Variants in VRK2 observed in about 807,000 individuals in gnomAD.
VRK2 encodes serine/threonine-protein kinase VRK2.
VRK2 carries 60 observed loss-of-function variants against 57.6 expected under a neutral mutation model. The observed-to-expected ratio is 1.04, with a 90% CI of 0.85 to 1.29. The LOEUF (loss-of-function observed/expected upper bound fraction) is 1.29, where lower values mean the gene tolerates loss of function less well. VRK2 is among the 50% of genes most tolerant of loss of function. The pLI is 0.00. For missense variants in VRK2, 705 were observed against 588.1 expected, an observed-to-expected ratio of 1.20 and a Z score of -2.06; for synonymous variants, 231 against 199.2, an observed-to-expected ratio of 1.16 and a Z score of -1.35.
Position 57,948,443 on chromosome 2 carries a change from A to G in VRK2, c.-439+40604A>G, listed in dbSNP as rs79530050. On this transcript the variant is annotated intron_variant, in intron 1 of 15. Transcript: ENST00000417641. ...CTTTAAAGCTAAACAGTGGCCTTCA[A>G]GAAAATTTTTAGCTGTATCCAGTTC... Among the ~76,000 whole-genome samples, 387 of 152,282 alleles carry G rather than the reference A, an allele frequency of 2.5e-3. 8 individuals are homozygous for G. In the East Asian group the frequency reaches 0.059, roughly 23 times the overall value.
chr2:58,114,584 C>T (rs1298694544), intron 7 of VRK2, among the ~76,000 whole-genome samples: 1 of 152,124 alleles, frequency 6.6e-6, no homozygotes, highest in Non-Finnish European at 1.5e-5. Flanking sequence ...AAGTATTGTC[C>T]AGTCCTTTTT....
chr2:57,990,709 C>A (rs1672737239), intron 1 of VRK2, among the ~76,000 whole-genome samples: 1 of 152,124 alleles, frequency 6.6e-6, no homozygotes, highest in African/African-American at 2.4e-5. Context: ...TTGCTGAGCA[C>A]TATTGTGAAA....
chr2:58,013,971 T>A (rs1030412453), intron 1 of VRK2, among the ~76,000 whole-genome samples: 1 of 152,170 alleles, frequency 6.6e-6, no homozygotes. Flanking sequence ...TACTCAAATT[T>A]GCTTATGCTA....
chr2:57,938,840 C>T (rs1182343982), intron 1 of VRK2, among the ~76,000 whole-genome samples: 17 of 150,302 alleles, frequency 1.1e-4, no homozygotes, highest in Admixed American at 1.1e-3. Context: ...CCTTCTCTTG[C>T]TTTCAAAGTT....
intron 1 of VRK2, among the ~76,000 whole-genome samples, chr2:57,916,304 G>A (rs1273909225): frequency 1.3e-5 from 2 of 151,274 alleles, no homozygotes; most frequent in East Asian, 4.0e-4. Context: ...TACTCAGGAA[G>A]TTGAGGCAGG....
At chr2:57,914,414 A>C (rs1670084845) in intron 1 of VRK2, among the ~76,000 whole-genome samples, 3 of 152,036 alleles carry the variant, frequency 2.0e-5, no homozygotes, top group Admixed American at 2.0e-4. Flanking sequence ...ATCCCGATTC[A>C]TTTTTTTAAC....
At chr2:58,099,648 G>A (rs1285535582) in intron 7 of VRK2, among the ~76,000 whole-genome samples, 1 of 151,940 alleles carries the variant, frequency 6.6e-6, no homozygotes, top group Non-Finnish European at 1.5e-5. Context: ...AAAGAGGATG[G>A]CCCTCACAGG....
At chr2:57,938,994 C>A (rs1232227547) in intron 1 of VRK2, among the ~76,000 whole-genome samples, 2 of 152,094 alleles carry the variant, frequency 1.3e-5, no homozygotes, top group Admixed American at 6.5e-5. Context: ...AGAGTATGAG[C>A]AACACAGGCA....
At chr2:57,963,322 A>G (rs1351916395) in intron 1 of VRK2, among the ~76,000 whole-genome samples, 1 of 152,198 alleles carries the variant, frequency 6.6e-6, no homozygotes, top group African/African-American at 2.4e-5. Flanking sequence ...TGTGCTATTC[A>G]TTCCCTCTCA....
At chr2:58,120,678 C>G (rs1015421920) in intron 7 of VRK2, among the ~76,000 whole-genome samples, 3 of 152,164 alleles carry the variant, frequency 2.0e-5, no homozygotes, top group Non-Finnish European at 2.9e-5. Context: ...AGAGCATTAA[C>G]TTAAGAATAC....
intron 1 of VRK2, among the ~76,000 whole-genome samples, chr2:58,021,153 G>C (rs72810306): frequency 6.6e-6 from 1 of 151,944 alleles, no homozygotes; most frequent in Admixed American, 6.5e-5. Flanking sequence ...CTTTTTGTGG[G>C]AAAAAATCAC....
intron 7 of VRK2, among the ~76,000 whole-genome samples, chr2:58,112,943 C>G (rs1306036163): frequency 2.6e-5 from 4 of 152,154 alleles, no homozygotes; most frequent in Non-Finnish European, 5.9e-5. Context: ...GTGGTTATGA[C>G]TTTTAGTCTT....
intron 1 of VRK2, among the ~76,000 whole-genome samples, chr2:57,934,509 T>G (rs931055188): frequency 6.6e-6 from 1 of 152,216 alleles, no homozygotes; most frequent in Non-Finnish European, 1.5e-5. Flanking sequence ...CTCTTTATGT[T>G]TGATTTTAGA....
chr2:58,144,666 G>A (rs1268257762), intron 11 of VRK2, among the ~76,000 whole-genome samples: 3 of 151,926 alleles, frequency 2.0e-5, no homozygotes, highest in African/African-American at 7.2e-5. Flanking sequence ...ATGGTATCAG[G>A]TACATTTATT....
upstream of VRK2, among the ~76,000 whole-genome samples, chr2:58,042,719 G>A (rs1196291902): frequency 6.6e-6 from 1 of 152,190 alleles, no homozygotes; most frequent in African/African-American, 2.4e-5. Context: ...ATACAGCCAA[G>A]AAAGTCCTTT....
At chr2:57,948,340 C>T (rs775160631) in intron 1 of VRK2, among the ~76,000 whole-genome samples, 20 of 152,132 alleles carry the variant, frequency 1.3e-4, no homozygotes, top group Non-Finnish European at 2.6e-4. Context: ...TCAGTGTCTA[C>T]TATGCACAAT....
intron 1 of VRK2, among the ~76,000 whole-genome samples, chr2:57,932,624 T>C (rs1162588223): frequency 6.6e-6 from 1 of 152,106 alleles, no homozygotes; most frequent in Non-Finnish European, 1.5e-5. Flanking sequence ...TGTTTCTCTT[T>C]TTTAAAATTT....
chr2:57,956,229 T>G (rs771943451), intron 1 of VRK2, among the ~76,000 whole-genome samples: 26 of 151,464 alleles, frequency 1.7e-4, no homozygotes, highest in African/African-American at 5.6e-4. Flanking sequence ...AAAGAAAAAA[T>G]AAAAAATCTG....
intron 1 of VRK2, among the ~76,000 whole-genome samples, chr2:57,972,551 G>A (rs1050048214): frequency 6.6e-6 from 1 of 151,742 alleles, no homozygotes; most frequent in African/African-American, 2.4e-5. Flanking sequence ...AAAATCTCTT[G>A]GAGTGATTAG....
Sources: allele counts gnomAD v4.1 joint callset (sites outside exome capture counted in the v4.1 genomes callset), GRCh38; gene constraint gnomAD v4.1.1; transcripts MANE v1.5; gene names NCBI Gene and HGNC (gene_info 2026-07-23, HGNC 2026-07-21).